The following HS6ST3 variants were observed in gnomAD, a reference collection of about 807,000 sequenced individuals.
HS6ST3 encodes the protein heparan sulfate 6-O-sulfotransferase 3.
A neutral mutation model predicts 36.7 loss-of-function variants in HS6ST3; 12 were observed. The observed-to-expected ratio is 0.33, with a 90% CI of 0.21 to 0.53. The LOEUF is 0.53. HS6ST3 is among the 20% of genes least tolerant of loss of function. HS6ST3 has a pLI of 0.95. For synonymous variants in HS6ST3, 240 were observed against 257.5 expected, an observed-to-expected ratio of 0.93 and a Z score of 0.65; for missense variants, 584 against 640.9, an observed-to-expected ratio of 0.91 and a Z score of 0.96.
intron 1 of HS6ST3, among the ~76,000 whole-genome samples, chr13:96,314,521 C>T (rs1403922657): frequency 2.0e-5 from 3 of 152,134 alleles, no homozygotes; most frequent in Non-Finnish European, 4.4e-5. Flanking sequence ...TCAGCATTGC[C>T]AGACTAATGC....
chr13:96,478,126 G>A lies in HS6ST3; in HGVS notation c.708-354364G>A, dbSNP rs114117334. On this transcript the variant is annotated intron_variant, in intron 1 of 1. Transcript: ENST00000376705. ...GAGAGAAAAAATAGGACCTAGCTCAGTGCCCCAGGCCTACAACAGTGGGAG... is the reference window on the plus strand; with the variant it reads ...GAGAGAAAAAATAGGACCTAGCTCAATGCCCCAGGCCTACAACAGTGGGAG... Among the ~76,000 whole-genome samples the A allele has an allele frequency of 6.5e-3, 994 of 152,240 alleles. 12 individuals carry two copies. Among genetic ancestry groups the A allele is most frequent in the African/African-American group, 0.023 (948 of 41,542 alleles).
chr13:96,731,981 C>T (rs1876165814), intron 1 of HS6ST3, among the ~76,000 whole-genome samples: 1 of 152,110 alleles, frequency 6.6e-6, no homozygotes, highest in Admixed American at 6.5e-5. Context: ...GAAAAACTTC[C>T]ATACTGCTTT....
chr13:96,447,485 G>C (rs568693535), intron 1 of HS6ST3, among the ~76,000 whole-genome samples: 41 of 152,288 alleles, frequency 2.7e-4, no homozygotes, highest in Non-Finnish European at 5.1e-4. Context: ...AACATTTCTT[G>C]TCTAGCAGGA....
intron 1 of HS6ST3, among the ~76,000 whole-genome samples, chr13:96,784,287 T>G (rs1474620813): frequency 6.6e-6 from 1 of 152,170 alleles, no homozygotes; most frequent in African/African-American, 2.4e-5. Context: ...GGTTGGCAGA[T>G]GTAGCAATGA....
chr13:96,358,583 A>G (rs2055221386), intron 1 of HS6ST3, among the ~76,000 whole-genome samples: 1 of 152,168 alleles, frequency 6.6e-6, no homozygotes. Context: ...TAAAAAAATT[A>G]GAGGGACCTA....
At chr13:96,474,866 G>C (rs1218232735) in intron 1 of HS6ST3, among the ~76,000 whole-genome samples, 1 of 152,156 alleles carries the variant, frequency 6.6e-6, no homozygotes, top group Admixed American at 6.5e-5. Flanking sequence ...AAGAAACTAA[G>C]GCACAGGGCA....
At chr13:96,466,978 A>G (rs2055817449) in intron 1 of HS6ST3, among the ~76,000 whole-genome samples, 1 of 152,194 alleles carries the variant, frequency 6.6e-6, no homozygotes, top group African/African-American at 2.4e-5. Context: ...TTAGAAAATT[A>G]TATACAGTGT....
At chr13:96,545,358 CCTT>C (rs1388519340) in intron 1 of HS6ST3, among the ~76,000 whole-genome samples, 3 of 152,160 alleles carry the variant, frequency 2.0e-5, no homozygotes, top group Admixed American at 6.6e-5. Context: ...TAAATGACAT[CCTT>C]CTATGACCAA....
intron 1 of HS6ST3, among the ~76,000 whole-genome samples, chr13:96,807,640 G>A (rs1411363835): frequency 6.6e-6 from 1 of 152,174 alleles, no homozygotes; most frequent in South Asian, 2.1e-4. Flanking sequence ...GAATTTAACT[G>A]AATAAACAAG....
intron 1 of HS6ST3, among the ~76,000 whole-genome samples, chr13:96,317,354 A>C (rs1234195426): frequency 2.9e-5 from 1 of 34,398 alleles, no homozygotes; most frequent in African/African-American, 1.1e-4. Flanking sequence ...ATATATATAT[A>C]TATATATATA....
chr13:96,459,112 A>G (rs1329382386), intron 1 of HS6ST3, among the ~76,000 whole-genome samples: 1 of 148,690 alleles, frequency 6.7e-6, no homozygotes, highest in Non-Finnish European at 1.5e-5. Flanking sequence ...AAAAAAAAAA[A>G]AAAAAAAAAA....
chr13:96,529,064 A>T (rs769879536), intron 1 of HS6ST3, among the ~76,000 whole-genome samples: 8 of 152,164 alleles, frequency 5.3e-5, no homozygotes, highest in Non-Finnish European at 1.0e-4. Flanking sequence ...TATCATTTTT[A>T]ATTTCAAATA....
intron 1 of HS6ST3, among the ~76,000 whole-genome samples, chr13:96,156,591 A>G (rs2054111829): frequency 6.6e-6 from 1 of 152,186 alleles, no homozygotes; most frequent in Non-Finnish European, 1.5e-5. Context: ...GGCCACCATG[A>G]CAGTCAAAGG....
At chr13:96,445,540 A>G (rs549249573) in intron 1 of HS6ST3, among the ~76,000 whole-genome samples, 102 of 152,204 alleles carry the variant, frequency 6.7e-4, no homozygotes, top group Non-Finnish European at 1.2e-3. Context: ...TGTCTTTCAT[A>G]CCACTTTGGC....
chr13:96,532,896 G>A (rs1163482648), intron 1 of HS6ST3, among the ~76,000 whole-genome samples: 2 of 152,140 alleles, frequency 1.3e-5, no homozygotes, highest in Non-Finnish European at 2.9e-5. Flanking sequence ...GAGGGTGGGA[G>A]GGGAACAAGC....
intron 1 of HS6ST3, among the ~76,000 whole-genome samples, chr13:96,098,844 G>A (rs1417859356): frequency 6.6e-6 from 1 of 152,058 alleles, no homozygotes; most frequent in Non-Finnish European, 1.5e-5. Flanking sequence ...TAACCCATGT[G>A]GTACTCTTAG....
chr13:96,493,878 GACTA>G (rs1353395703), intron 1 of HS6ST3, among the ~76,000 whole-genome samples: 2 of 152,058 alleles, frequency 1.3e-5, no homozygotes, highest in African/African-American at 2.4e-5. Context: ...CAAATATAAG[GACTA>G]ACTATTATGA....
chr13:96,698,945 G>A (rs533138226), intron 1 of HS6ST3, among the ~76,000 whole-genome samples: 56 of 152,168 alleles, frequency 3.7e-4, no homozygotes, highest in African/African-American at 1.2e-3. Context: ...AAATAATGCT[G>A]CATATCTACA....
chr13:96,325,132 A>C (rs778657137), intron 1 of HS6ST3, among the ~76,000 whole-genome samples: 30 of 152,288 alleles, frequency 2.0e-4, no homozygotes, highest in Admixed American at 4.6e-4. Flanking sequence ...TATTTTTTCC[A>C]CTTTTTATAT....
Sources: allele counts gnomAD v4.1 joint callset (sites outside exome capture counted in the v4.1 genomes callset), GRCh38; gene constraint gnomAD v4.1.1; transcripts MANE v1.5; gene names NCBI Gene and HGNC (gene_info 2026-07-23, HGNC 2026-07-21).